Variants in SORCS3 observed in about 807,000 individuals in gnomAD.
SORCS3 encodes the protein VPS10 domain-containing receptor SorCS3.
Under a neutral mutation model 146.3 loss-of-function variants are expected in SORCS3, and 57 were observed. The observed-to-expected ratio is 0.39, with a 90% confidence interval of 0.31 to 0.49. SORCS3 has a LOEUF of 0.49. SORCS3 is among the 20% of genes least tolerant of loss of function. SORCS3 has a pLI of 0.92. For synonymous variants in SORCS3, 653 were observed against 618.5 expected (o/e 1.06, Z -0.83); for missense variants, 1,341 against 1,575.5 (o/e 0.85, Z 2.52).
At chr10:105,253,494 G>A (rs7920533) in intron 23 of SORCS3, among the ~76,000 whole-genome samples, 49,379 of 152,032 alleles carry the variant, frequency 0.32, 8,190 homozygotes, top group South Asian at 0.44. Context: ...TGATCTGCAC[G>A]CTGTCCTGGA....
chr10:104,726,749 A>G (rs146762106), intron 1 of SORCS3, among the ~76,000 whole-genome samples: 193 of 152,168 alleles, frequency 1.3e-3, no homozygotes, highest in African/African-American at 4.6e-3. Context: ...TCCTGTGGGT[A>G]AAAAACTGCC....
intron 1 of SORCS3, among the ~76,000 whole-genome samples, chr10:104,827,484 G>A (rs1032149987): frequency 1.3e-5 from 2 of 152,152 alleles, no homozygotes; most frequent in African/African-American, 4.8e-5. Context: ...TATTGGAGCA[G>A]TAGGTCTCAA....
chr10:105,251,247 C>T (rs1488094069), intron 22 of SORCS3, among the ~76,000 whole-genome samples: 8 of 152,106 alleles, frequency 5.3e-5, no homozygotes, highest in African/African-American at 1.9e-4. Flanking sequence ...AGTGGCAGAG[C>T]GAAGGGGGAA....
intron 3 of SORCS3, among the ~76,000 whole-genome samples, chr10:104,952,255 G>GAAAAAAAAAAAA (rs55880149): frequency 2.5e-5 from 1 of 40,622 alleles, no homozygotes. Flanking sequence ...ATGAATGTTT[G>GAAAAAAAAAAAA]AAAAAAAAAA....
intron 1 of SORCS3, among the ~76,000 whole-genome samples, chr10:104,813,595 G>GGGT (rs1419617893): frequency 2.0e-5 from 3 of 152,172 alleles, no homozygotes; most frequent in Non-Finnish European, 4.4e-5. Context: ...GGACAGAACA[G>GGGT]GGTGGCTCTC....
intron 2 of SORCS3, among the ~76,000 whole-genome samples, chr10:104,906,651 C>T (rs1040396199): frequency 6.6e-6 from 1 of 152,166 alleles, no homozygotes; most frequent in Non-Finnish European, 1.5e-5. Context: ...GGATTTGAAT[C>T]CAAATCTCCT....
At chr10:105,216,024 C>T (rs568536411) in intron 18 of SORCS3, among the ~76,000 whole-genome samples, 1 of 152,130 alleles carries the variant, frequency 6.6e-6, no homozygotes, top group East Asian at 1.9e-4. Flanking sequence ...TCAGCATAGA[C>T]CCTTAAGAAG....
chr10:104,723,320 T>G (rs185067839), intron 1 of SORCS3, among the ~76,000 whole-genome samples: 51 of 152,350 alleles, frequency 3.3e-4, no homozygotes, highest in African/African-American at 1.1e-3. Context: ...GAGTTCCAGT[T>G]TGATTGCACT....
intron 2 of SORCS3, among the ~76,000 whole-genome samples, chr10:104,863,050 G>C (rs779229210): frequency 3.3e-5 from 5 of 152,178 alleles, no homozygotes; most frequent in African/African-American, 4.8e-5. Flanking sequence ...AAGTAGGTAC[G>C]TTATACTCTT....
intron 3 of SORCS3, among the ~76,000 whole-genome samples, chr10:104,938,535 C>T (rs2019281848): frequency 6.7e-6 from 1 of 149,950 alleles, no homozygotes. Context: ...TGCTTATGCC[C>T]ATAGTATCCT....
intron 3 of SORCS3, among the ~76,000 whole-genome samples, chr10:104,971,218 G>A (rs1482874892): frequency 6.6e-6 from 1 of 152,228 alleles, no homozygotes; most frequent in East Asian, 1.9e-4. Context: ...ATTACAGGTT[G>A]ATTGTTCTGG....
intron 2 of SORCS3, among the ~76,000 whole-genome samples, chr10:104,885,171 T>C (rs2018670143): frequency 6.6e-6 from 1 of 152,166 alleles, no homozygotes; most frequent in African/African-American, 2.4e-5. Flanking sequence ...GGGAGCACTG[T>C]CTCAGGTCTT....
intron 1 of SORCS3, among the ~76,000 whole-genome samples, chr10:104,791,168 G>A (rs1320282515): frequency 1.3e-5 from 2 of 152,188 alleles, no homozygotes; most frequent in Non-Finnish European, 1.5e-5. Context: ...GCCAGTGGGG[G>A]TGTGTATGTC....
intron 1 of SORCS3, among the ~76,000 whole-genome samples, chr10:104,775,409 G>A (rs1372054583): frequency 5.3e-5 from 8 of 152,208 alleles, no homozygotes; most frequent in East Asian, 1.9e-4. Context: ...ATGCAAAGAT[G>A]TATATAAGTC....
At chr10:104,824,518 G>A (rs967218615) in intron 1 of SORCS3, among the ~76,000 whole-genome samples, 1 of 152,200 alleles carries the variant, frequency 6.6e-6, no homozygotes, top group Non-Finnish European at 1.5e-5. Flanking sequence ...TAGGAGGTGG[G>A]TTGTGATGAA....
chr10:104,726,064 C>T (rs1054092578), intron 1 of SORCS3, among the ~76,000 whole-genome samples: 3 of 152,224 alleles, frequency 2.0e-5, no homozygotes, highest in African/African-American at 4.8e-5. Flanking sequence ...TCTTCTGCAT[C>T]GCTCACGCTG....
chr10:104,770,146 T>A (rs920961830), intron 1 of SORCS3, among the ~76,000 whole-genome samples: 1 of 152,186 alleles, frequency 6.6e-6, no homozygotes, highest in South Asian at 2.1e-4. Context: ...GGATGGGACC[T>A]GGGAATTTAC....
At position 105,090,880 on chromosome 10, in the gene SORCS3, G is replaced by A. The variant is rs189582146; in HGVS notation, c.1093+1041G>A. On this transcript the variant is annotated intron_variant, in intron 6 of 26. Coordinates refer to ENST00000369701, the MANE Select transcript of SORCS3 (RefSeq NM_014978.3). ...TTTTGACCTGGCTGTTGGCATTGTG[G>A]TATCGTTCAGAGTTTAAGTAAAACT... is the stretch of plus-strand genomic sequence containing the variant. Among the ~76,000 whole-genome samples, 664 of 152,302 alleles carry A rather than the reference G, an allele frequency of 4.4e-3. 6 individuals are homozygous for A. Among genetic ancestry groups the A allele is most frequent in the African/African-American group, 0.015 (614 of 41,558 alleles).
chr10:104,929,451 A>G (rs1046016037), intron 3 of SORCS3, among the ~76,000 whole-genome samples: 1 of 152,216 alleles, frequency 6.6e-6, no homozygotes, highest in Non-Finnish European at 1.5e-5. Context: ...AACTTCCAAA[A>G]TGAAAACAAT....
Sources: allele counts gnomAD v4.1 joint callset (sites outside exome capture counted in the v4.1 genomes callset), GRCh38; gene constraint gnomAD v4.1.1; transcripts MANE v1.5; gene names NCBI Gene and HGNC (gene_info 2026-07-23, HGNC 2026-07-21).